The following VGLL4 variants were observed in gnomAD, a reference collection of about 807,000 sequenced individuals.
The protein encoded by VGLL4 is vestigial like family member 4.
In VGLL4, 7 loss-of-function variants were observed where a neutral mutation model predicts 21.0. The observed-to-expected ratio is 0.33, with a 90% CI of 0.19 to 0.63. The LOEUF (loss-of-function observed/expected upper bound fraction) is 0.63, where lower values mean the gene tolerates loss of function less well. Ranked by LOEUF, VGLL4 falls within the 20% of genes least tolerant of loss-of-function variation. VGLL4 has a pLI of 0.78. For missense variants in VGLL4, 394 were observed against 425.7 expected, an observed-to-expected ratio of 0.93 and a Z score of 0.66; for synonymous variants, 222 against 173.2, an observed-to-expected ratio of 1.28 and a Z score of -2.21.
intron 2 of VGLL4, among the ~76,000 whole-genome samples, chr3:11,688,590 A>G (rs1193884821): frequency 1.3e-5 from 2 of 152,132 alleles, no homozygotes; most frequent in Non-Finnish European, 2.9e-5. Flanking sequence ...TATGTTCTAT[A>G]ATTATACATT....
At chr3:11,668,761 T>C (rs1343400203) in intron 2 of VGLL4, among the ~76,000 whole-genome samples, 3 of 152,222 alleles carry the variant, frequency 2.0e-5, no homozygotes, top group Admixed American at 6.5e-5. Context: ...TTGGAGAAGA[T>C]AGCAGTGAAC....
Position 11,568,817 on chromosome 3 carries a change from G to C in VGLL4, c.273-3798C>G, listed in dbSNP as rs888810912. 1.4e-6 allele frequency: 2 copies of C among 1,428,018 alleles called. No individual in the cohort carries two copies. The highest frequency in any genetic ancestry group is 1.5e-5 in the South Asian group (1 of 67,622). The allele number at this position is 1,428,018 out of a possible 1,614,324, so 88.5% of individuals were successfully genotyped here. On this transcript the variant is annotated intron_variant, in intron 2 of 4. Coordinates refer to ENST00000430365, the MANE Select transcript of VGLL4 (RefSeq NM_001128219.3). The surrounding 1 kb of genome is among the most constrained non-coding windows in gnomAD (Gnocchi z 5.9). ...CCGAGAGAGCCCACGGCATCCCCGC[G>C]AACACCCAAAGGACTCTGAGTGGCT...
intron 2 of VGLL4, among the ~76,000 whole-genome samples, chr3:11,658,387 AT>A (rs1242276956): frequency 2.0e-5 from 3 of 151,966 alleles, no homozygotes; most frequent in Non-Finnish European, 4.4e-5. Flanking sequence ...AAGCTAGAAC[AT>A]TTCTAGTTTG....
intron 2 of VGLL4, among the ~76,000 whole-genome samples, chr3:11,669,269 T>TA (rs989548207): frequency 3.3e-5 from 5 of 152,314 alleles, no homozygotes; most frequent in Admixed American, 6.5e-5. Context: ...TGAGAGCCTG[T>TA]ACTCCCAGCT....
intron 1 of VGLL4, among the ~76,000 whole-genome samples, chr3:11,716,539 T>C (rs904885789): frequency 2.6e-5 from 4 of 152,004 alleles, no homozygotes; most frequent in Non-Finnish European, 5.9e-5. Context: ...TAAATTTTAG[T>C]GAGTAGACAA....
At position 11,568,698 on chromosome 3, in the gene VGLL4, T is replaced by C; in HGVS notation, c.273-3679A>G. ...GGATGAATCACCTCCCGGCCACTGC[T>C]TCCCAGGCGTCATGTGCTCCCGGGG... On this transcript the variant is annotated intron_variant, in intron 2 of 4. Coordinates refer to ENST00000430365, the MANE Select transcript of VGLL4 (RefSeq NM_001128219.3). The surrounding 1 kb of genome is among the most constrained non-coding windows in gnomAD (Gnocchi z 5.9). 1 of 1,550,404 alleles carries C rather than the reference T, an allele frequency of 6.4e-7. No homozygotes were observed. The highest frequency in any genetic ancestry group is 1.2e-5 in the South Asian group (1 of 83,990).
chr3:11,707,432 T>C (rs1242227509), intron 1 of VGLL4, among the ~76,000 whole-genome samples: 1 of 151,062 alleles, frequency 6.6e-6, no homozygotes, highest in Non-Finnish European at 1.5e-5. Context: ...GTTAAGAGGC[T>C]TCTGTAGGAA....
At chr3:11,691,847 C>T (rs557047895) in intron 2 of VGLL4, among the ~76,000 whole-genome samples, 27 of 152,208 alleles carry the variant, frequency 1.8e-4, no homozygotes, top group African/African-American at 5.8e-4. Context: ...TAGGTAAAGA[C>T]AGCAATGAGC....
Position 11,556,356 on chromosome 3 carries a change from C to T in VGLL4, c.*2200G>A, listed in dbSNP as rs1023689604. 1 of 152,802 alleles carries T rather than the reference C, an allele frequency of 6.5e-6. No homozygotes were observed. Among genetic ancestry groups the T allele is most frequent in the African/African-American group, 2.4e-5 (1 of 41,428 alleles). 9.5% of individuals were successfully genotyped at this position (152,802 alleles called of 1,614,324 possible). ...CCCCCCTCCAGGGTACTGCCTATCC[C>T]AGATAGGTCAGTGCACCAGGGACCC... is the stretch of plus-strand genomic sequence containing the variant. On this transcript the variant is annotated 3_prime_UTR_variant, in exon 5 of 5. Coordinates refer to ENST00000430365, the MANE Select transcript of VGLL4 (RefSeq NM_001128219.3).
rs2073452208 is a variant in VGLL4 at position 11,565,696 on chromosome 3, G to C, written c.273-677C>G. Among the ~76,000 whole-genome samples the C allele has an allele frequency of 6.6e-6, 1 of 152,218 alleles. No homozygotes were observed. The highest frequency in any genetic ancestry group is 2.4e-5 in the African/African-American group (1 of 41,468). On this transcript the variant is annotated intron_variant, in intron 2 of 4. Coordinates refer to ENST00000430365, the MANE Select transcript of VGLL4 (RefSeq NM_001128219.3). This position sits in a 1 kb window ranked among gnomAD's most constrained non-coding sequence, Gnocchi z 4.1. ...GAGCAGGAGTGACCTGCGTCCAGAAGGTCCATCACTAGCCCTGGCCATGTG... is the reference window on the plus strand; with the variant it reads ...GAGCAGGAGTGACCTGCGTCCAGAACGTCCATCACTAGCCCTGGCCATGTG...
intron 2 of VGLL4, among the ~76,000 whole-genome samples, chr3:11,696,493 T>C (rs1162950770): frequency 4.6e-5 from 7 of 152,214 alleles, no homozygotes; most frequent in African/African-American, 1.7e-4. Context: ...TTTATTTTCA[T>C]GGCCCACGTG....
intron 2 of VGLL4, among the ~76,000 whole-genome samples, chr3:11,684,490 C>T (rs2076417406): frequency 6.6e-6 from 1 of 152,064 alleles, no homozygotes. Context: ...AAGTGATCCT[C>T]CCACCTCAGC....
At chr3:11,715,388 CA>C (rs2076906125) in intron 1 of VGLL4, among the ~76,000 whole-genome samples, 1 of 151,988 alleles carries the variant, frequency 6.6e-6, no homozygotes, top group Admixed American at 6.5e-5. Flanking sequence ...GGCTGGAGTG[CA>C]ATGGTGCGAT....
chr3:11,577,615 A>G (rs1157151224), intron 2 of VGLL4, among the ~76,000 whole-genome samples: 3 of 152,184 alleles, frequency 2.0e-5, no homozygotes, highest in Non-Finnish European at 4.4e-5. Context: ...TACACTGGAA[A>G]GATTGGATGC....
At chr3:11,674,916 G>A (rs1198034063) in intron 2 of VGLL4, among the ~76,000 whole-genome samples, 1 of 152,206 alleles carries the variant, frequency 6.6e-6, no homozygotes, top group African/African-American at 2.4e-5. Context: ...ACACTCTTTG[G>A]CATTCAGAAA....
chr3:11,630,839 A>C (rs1252311722), intron 1 of VGLL4, among the ~76,000 whole-genome samples: 9 of 152,172 alleles, frequency 5.9e-5, no homozygotes, highest in African/African-American at 2.2e-4. Context: ...TGTCCACAAA[A>C]AGCTTGCATA....
chr3:11,667,784 T>C (rs1420051708), intron 2 of VGLL4, among the ~76,000 whole-genome samples: 1 of 151,588 alleles, frequency 6.6e-6, no homozygotes, highest in African/African-American at 2.4e-5. Context: ...CAAACGTTCC[T>C]TACAAATAGA....
intron 1 of VGLL4, among the ~76,000 whole-genome samples, chr3:11,642,631 T>C (rs1240873314): frequency 6.6e-6 from 1 of 152,088 alleles, no homozygotes; most frequent in East Asian, 1.9e-4. Context: ...AAATCGCACG[T>C]AGAGGATGTC....
intron 2 of VGLL4, among the ~76,000 whole-genome samples, chr3:11,701,583 A>C (rs536834565): frequency 2.0e-4 from 30 of 152,234 alleles, no homozygotes; most frequent in Non-Finnish European, 3.8e-4. Context: ...CAGTAAGCTC[A>C]GTACACACGA....
Sources: gnomAD v4.1 joint callset for allele counts (sites outside exome capture counted in the v4.1 genomes callset) on GRCh38, gnomAD v4.1.1 for gene constraint, Gnocchi (gnomAD v3.1) non-coding constraint, MANE v1.5 for transcripts, NCBI Gene and HGNC (gene_info 2026-07-23, HGNC 2026-07-21) for gene names.